The following HPCAL1 variants were observed in gnomAD, a reference collection of about 807,000 sequenced individuals.
HPCAL1 encodes hippocalcin like 1.
A neutral mutation model predicts 17.1 loss-of-function variants in HPCAL1; 8 were observed. The ratio of observed to expected loss-of-function variants is 0.47; its 90% CI spans 0.27 to 0.84. The LOEUF (loss-of-function observed/expected upper bound fraction) is 0.84, where lower values mean the gene tolerates loss of function less well. Ranked by LOEUF, HPCAL1 falls within the 40% of genes least tolerant of loss-of-function variation. The probability of loss-of-function intolerance (pLI) is 0.13; values close to 1 mark genes in which losing one functional copy is unlikely to be tolerated. For missense variants in HPCAL1, 165 were observed against 271.1 expected, an observed-to-expected ratio of 0.61 and a Z score of 2.75; for synonymous variants, 112 against 111.4, an observed-to-expected ratio of 1.01 and a Z score of -0.03.
chr2:10,364,101 CAGTGACCTTGGAGATGGT>C (rs1467869805), intron 1 of HPCAL1, among the ~76,000 whole-genome samples: 1 of 152,188 alleles, frequency 6.6e-6, no homozygotes, highest in Non-Finnish European at 1.5e-5. Context: ...GAGGAGCTTG[CAGTGACCTTGGAGATGGT>C]AGTGACCTTG....
chr2:10,316,853 T>A (rs940398438), intron 1 of HPCAL1, among the ~76,000 whole-genome samples: 7 of 152,194 alleles, frequency 4.6e-5, no homozygotes, highest in African/African-American at 1.7e-4. Context: ...ATATTTATGG[T>A]CTGGAGAAGA....
intron 2 of HPCAL1, among the ~76,000 whole-genome samples, chr2:10,405,855 G>T (rs145936336): frequency 6.6e-6 from 1 of 152,330 alleles, no homozygotes; most frequent in Non-Finnish European, 1.5e-5. Context: ...AGCCTGCTGT[G>T]CCCTCTTACA....
At chr2:10,399,998 A>C (rs969926855) in intron 2 of HPCAL1, among the ~76,000 whole-genome samples, 1 of 152,214 alleles carries the variant, frequency 6.6e-6, no homozygotes, top group Non-Finnish European at 1.5e-5. Context: ...TCAACAAAAC[A>C]GAAATGAGAG....
At chr2:10,388,029 C>T (rs991387375) in intron 1 of HPCAL1, among the ~76,000 whole-genome samples, 2 of 152,152 alleles carry the variant, frequency 1.3e-5, no homozygotes, top group Non-Finnish European at 2.9e-5. Context: ...TCGCAGGCCC[C>T]CCATGGGACC....
At chr2:10,393,215 G>A (rs115189710) in intron 1 of HPCAL1, among the ~76,000 whole-genome samples, 1 of 152,216 alleles carries the variant, frequency 6.6e-6, no homozygotes, top group Non-Finnish European at 1.5e-5. Flanking sequence ...ATTCTGTCTC[G>A]AGCAATGACT....
At chr2:10,411,737 G>A (rs1670369529) in intron 2 of HPCAL1, among the ~76,000 whole-genome samples, 1 of 152,194 alleles carries the variant, frequency 6.6e-6, no homozygotes, top group South Asian at 2.1e-4. Flanking sequence ...GCTGGCACCA[G>A]GCCCCAAGGA....
chr2:10,424,271 CA>C (rs1369544371), intron 4 of HPCAL1: 5 of 341,946 alleles, frequency 1.5e-5, no homozygotes, highest in African/African-American at 1.1e-4. Context: ...GCAGCCAGGT[CA>C]CAGTTTCAAA....
chr2:10,415,133 G>A (rs1670582360), intron 2 of HPCAL1, among the ~76,000 whole-genome samples: 1 of 152,232 alleles, frequency 6.6e-6, no homozygotes, highest in South Asian at 2.1e-4. Flanking sequence ...AGCGCAGAGT[G>A]GGACAGCCCG....
Position 10,362,272 on chromosome 2 carries a change from C to T in HPCAL1, c.-110-34563C>T, listed in dbSNP as rs1209473411. Among the ~76,000 whole-genome samples, 1 of 151,154 alleles carries T rather than the reference C, an allele frequency of 6.6e-6. No homozygotes were observed. The highest frequency in any genetic ancestry group is 2.4e-5 in the African/African-American group (1 of 40,954). On this transcript the variant is annotated intron_variant, in intron 1 of 4. Coordinates refer to ENST00000307845, the MANE Select transcript of HPCAL1 (RefSeq NM_002149.4). The surrounding 1 kb of genome is among the most constrained non-coding windows in gnomAD (Gnocchi z 5.0). Reference sequence around the variant, plus strand: ...AAACGGAGCTTCGGAACCCAGGTGTCGAGAATGAGCTGTTGGCACTCAGTC... The same window carrying T: ...AAACGGAGCTTCGGAACCCAGGTGTTGAGAATGAGCTGTTGGCACTCAGTC...
rs183828580 is a variant in HPCAL1, at chr2:10,385,893, G to A, written c.-110-10942G>A. ...TCCAGGCTGCTGATTTGTCGGCCTC[G>A]TGTCGGGGGGTGTCCGGAGCCTCTC... On this transcript the variant is annotated intron_variant, in intron 1 of 4. Coordinates refer to ENST00000307845, the MANE Select transcript of HPCAL1 (RefSeq NM_002149.4). Among the ~76,000 whole-genome samples, 476 of 148,366 alleles carry A rather than the reference G, an allele frequency of 3.2e-3. 1 individual carries two copies. Among genetic ancestry groups the A allele is most frequent in the African/African-American group, 0.011 (452 of 39,776 alleles).
chr2:10,381,968 A>G (rs937992487), intron 1 of HPCAL1, among the ~76,000 whole-genome samples: 1 of 152,248 alleles, frequency 6.6e-6, no homozygotes, highest in Non-Finnish European at 1.5e-5. Context: ...AAACCTGCAC[A>G]TGGGTGTTCA....
chr2:10,315,087 C>T (rs1404738691), intron 1 of HPCAL1, among the ~76,000 whole-genome samples: 6 of 152,090 alleles, frequency 3.9e-5, no homozygotes, highest in East Asian at 1.9e-4. Flanking sequence ...GTCAGGAGAT[C>T]GAGACCATCC....
intron 3 of HPCAL1, among the ~76,000 whole-genome samples, chr2:10,421,881 CAGAGTA>C (rs1370450379): frequency 6.6e-6 from 1 of 152,168 alleles, no homozygotes; most frequent in African/African-American, 2.4e-5. Flanking sequence ...TTCACACTGT[CAGAGTA>C]AATTAACATG....
At chr2:10,414,092 G>C (rs971709597) in intron 2 of HPCAL1, among the ~76,000 whole-genome samples, 2 of 152,248 alleles carry the variant, frequency 1.3e-5, no homozygotes, top group Admixed American at 1.3e-4. Context: ...GCTCTCCCAG[G>C]GTTGGTTTAC....
At chr2:10,320,996 C>T (rs781550986) in intron 1 of HPCAL1, among the ~76,000 whole-genome samples, 17 of 151,652 alleles carry the variant, frequency 1.1e-4, no homozygotes, top group Non-Finnish European at 2.4e-4. Flanking sequence ...TGTATTAGGC[C>T]GTTCCACATT....
rs1316473820 is a variant in HPCAL1, at chr2:10,419,852, A to AG, written c.98dup (p.Phe34LeufsTer109). 1 of 1,613,672 alleles carries AG rather than the reference A, an allele frequency of 6.2e-7. No homozygotes were observed. Among genetic ancestry groups the AG allele is most frequent in the Non-Finnish European group, 8.5e-7 (1 of 1,179,986 alleles). ...GACCACGAGCTGCAGGAGTGGTACA[A>AG]GGGCTTCCTCAAGGACTGCCCCACC... is the stretch of plus-strand genomic sequence containing the variant. On this transcript the variant is annotated frameshift_variant, in exon 3 of 5. Transcript: ENST00000307845. LOFTEE classifies it high-confidence loss of function. The surrounding 1 kb of genome is among the most constrained non-coding windows in gnomAD (Gnocchi z 5.0).
In HPCAL1 at chr2:10,363,164, G is replaced by A. The variant is rs887979; in HGVS notation, c.-110-33671G>A. ...AAAACCCATTCTCACTCTAACCCAT[G>A]CTGTATCTGATTTTTTTCCTGAGGT... On this transcript the variant is annotated intron_variant, in intron 1 of 4. Transcript: ENST00000307845. This position sits in a 1 kb window ranked among gnomAD's most constrained non-coding sequence, Gnocchi z 4.7. Among the ~76,000 whole-genome samples, 115,024 of 152,082 alleles carry A rather than the reference G, an allele frequency of 0.76. 43,751 individuals carry two copies. Among genetic ancestry groups the A allele is most frequent in the East Asian group, 0.99 (5,096 of 5,172 alleles).
chr2:10,404,316 C>T lies in HPCAL1; in HGVS notation c.-25+7396C>T, dbSNP rs566368892. Among the ~76,000 whole-genome samples the T allele has an allele frequency of 2.0e-5, 3 of 152,294 alleles. No individual in the cohort carries two copies. In the South Asian group the frequency reaches 6.2e-4, roughly 32 times the overall value. Reference sequence around the variant, plus strand: ...TCTCCAGCCATGCCCTTTTGCCTCCCAGCACACTGAGGATTCCTCCTGGAA... The same window carrying T: ...TCTCCAGCCATGCCCTTTTGCCTCCTAGCACACTGAGGATTCCTCCTGGAA... On this transcript the variant is annotated intron_variant, in intron 2 of 4. Transcript: ENST00000307845.
rs755287559 is a variant in HPCAL1, at chr2:10,331,558, C to T, written c.-111+28381C>T. 3.3e-5 allele frequency among the ~76,000 whole-genome samples: 5 copies of T among 152,190 alleles called. No individual in the cohort carries two copies. The highest frequency in any genetic ancestry group is 7.3e-5 in the Non-Finnish European group (5 of 68,034). On this transcript the variant is annotated intron_variant, in intron 1 of 4. Coordinates refer to ENST00000307845, the MANE Select transcript of HPCAL1 (RefSeq NM_002149.4). This position sits in a 1 kb window ranked among gnomAD's most constrained non-coding sequence, Gnocchi z 5.0. ...TCCCAGGAGCTTTTCCACGGCCAAGCGCTGGCTGGTGGTGGAGCTGCGCTG... is the reference window on the plus strand; with the variant it reads ...TCCCAGGAGCTTTTCCACGGCCAAGTGCTGGCTGGTGGTGGAGCTGCGCTG...
Sources: allele counts gnomAD v4.1 joint callset (sites outside exome capture counted in the v4.1 genomes callset), GRCh38; gene constraint gnomAD v4.1.1; non-coding constraint Gnocchi (gnomAD v3.1); transcripts MANE v1.5; gene names NCBI Gene and HGNC (gene_info 2026-07-23, HGNC 2026-07-21).